GPC5: variants seen among roughly 807,000 people sequenced by gnomAD.
The protein encoded by GPC5 is glypican-5.
Under a neutral mutation model 53.9 loss-of-function variants are expected in GPC5, and 47 were observed. That is an observed-to-expected ratio of 0.87 (90% CI 0.69 to 1.11). The LOEUF is 1.11. GPC5 is among the 50% of genes most tolerant of loss of function. The pLI is 0.00. For synonymous variants in GPC5, 286 were observed against 263.3 expected (o/e 1.09, Z -0.84); for missense variants, 748 against 713.1 (o/e 1.05, Z -0.56).
At chr13:92,637,826 G>A (rs1294062840) in intron 7 of GPC5, among the ~76,000 whole-genome samples, 1 of 152,090 alleles carries the variant, frequency 6.6e-6, no homozygotes, top group Non-Finnish European at 1.5e-5. Context: ...GCTAAAATTA[G>A]TAGATAATGA....
chr13:92,002,763 CTACAGGCTGGTG>C (rs2040567113), intron 6 of GPC5, among the ~76,000 whole-genome samples: 1 of 152,142 alleles, frequency 6.6e-6, no homozygotes, highest in Admixed American at 6.5e-5. Context: ...TCAGACAATA[CTACAGGCTGGTG>C]TATCTTAATT....
At chr13:91,405,149 T>G (rs544072565) in intron 1 of GPC5, among the ~76,000 whole-genome samples, 2 of 152,318 alleles carry the variant, frequency 1.3e-5, no homozygotes, top group East Asian at 3.9e-4. Flanking sequence ...TGTGCCAAAC[T>G]CCTACACAAC....
chr13:91,630,311 T>G (rs1435250915), intron 2 of GPC5, among the ~76,000 whole-genome samples: 1 of 152,108 alleles, frequency 6.6e-6, no homozygotes, highest in Non-Finnish European at 1.5e-5. Flanking sequence ...AGGATGTTAT[T>G]TTGAATATTG....
intron 7 of GPC5, among the ~76,000 whole-genome samples, chr13:92,292,017 G>A (rs2043000313): frequency 6.6e-6 from 1 of 152,206 alleles, no homozygotes; most frequent in African/African-American, 2.4e-5. Flanking sequence ...CATTCTTGAA[G>A]TCAGTGAGAC....
intron 7 of GPC5, among the ~76,000 whole-genome samples, chr13:92,471,397 A>G (rs1440242201): frequency 6.6e-6 from 1 of 152,010 alleles, no homozygotes; most frequent in African/African-American, 2.4e-5. Context: ...TGTGGCCAAT[A>G]CTTTCTGCAC....
intron 6 of GPC5, among the ~76,000 whole-genome samples, chr13:91,920,924 CTCTTTTTTTTTTTTTTTT>C (rs1176664000): frequency 8.4e-5 from 5 of 59,594 alleles, no homozygotes; most frequent in African/African-American, 2.0e-4. Flanking sequence ...CTCTCTCTCT[CTCTTTTTTTTTTTTTTTT>C]TTTTTTTTTT....
chr13:91,822,609 T>C (rs891424726), intron 5 of GPC5, among the ~76,000 whole-genome samples: 20 of 152,236 alleles, frequency 1.3e-4, no homozygotes, highest in African/African-American at 4.3e-4. Flanking sequence ...CTATTCACTA[T>C]CATGAAAACA....
intron 7 of GPC5, among the ~76,000 whole-genome samples, chr13:92,779,200 CT>C (rs1417524581): frequency 1.3e-5 from 2 of 152,032 alleles, no homozygotes; most frequent in African/African-American, 4.8e-5. Flanking sequence ...GGAAACTCCC[CT>C]TTTTAAAACC....
intron 1 of GPC5, among the ~76,000 whole-genome samples, chr13:91,444,484 G>A (rs988901885): frequency 4.6e-5 from 7 of 152,102 alleles, no homozygotes; most frequent in Non-Finnish European, 1.0e-4. Context: ...TGAAGTTAGT[G>A]TTTGTTTTTC....
At chr13:92,710,829 T>C (rs1888109923) in intron 7 of GPC5, among the ~76,000 whole-genome samples, 1 of 152,214 alleles carries the variant, frequency 6.6e-6, no homozygotes, top group African/African-American at 2.4e-5. Flanking sequence ...TTAAATATTC[T>C]TTAAACACCT....
rs1421333716 is a variant in GPC5, at chr13:92,323,625, T to G, written c.1561+178636T>G. On this transcript the variant is annotated intron_variant, in intron 7 of 7. Coordinates refer to ENST00000377067, the MANE Select transcript of GPC5 (RefSeq NM_004466.6). ...AGTGGATCTCTAATCTGTCTAATGG[T>G]AAAACATAAGTTTTGTGTTTAAAAT... 3.9e-5 allele frequency among the ~76,000 whole-genome samples: 6 copies of G among 151,956 alleles called. No individual in the cohort carries two copies. The East Asian group carries it at 1.2e-3, about 29-fold the overall frequency.
At chr13:92,692,007 T>G (rs1887415637) in intron 7 of GPC5, among the ~76,000 whole-genome samples, 1 of 152,162 alleles carries the variant, frequency 6.6e-6, no homozygotes, top group African/African-American at 2.4e-5. Context: ...CAGTTAATTT[T>G]TCAACCCTTG....
intron 7 of GPC5, among the ~76,000 whole-genome samples, chr13:92,802,433 T>C (rs1476928867): frequency 2.0e-5 from 3 of 151,880 alleles, no homozygotes; most frequent in Non-Finnish European, 4.4e-5. Flanking sequence ...TATATATTTA[T>C]TATACTTTAA....
At position 91,934,017 on chromosome 13, in the gene GPC5, C is replaced by A. The variant is rs139971319; in HGVS notation, c.1401+25960C>A. Among the ~76,000 whole-genome samples, 4 of 152,004 alleles carry A rather than the reference C, an allele frequency of 2.6e-5. No homozygotes were observed. In the Admixed American group the frequency reaches 2.6e-4, roughly 10 times the overall value. On this transcript the variant is annotated intron_variant, in intron 6 of 7. Coordinates refer to ENST00000377067, the MANE Select transcript of GPC5 (RefSeq NM_004466.6). ...GGATATGTCCTCTCAAATACCTGAG[C>A]TATGCTTCCCTGGGACCCTCTTTTT...
In GPC5 at chr13:92,812,364, A is replaced by G. The variant is rs552843099; in HGVS notation, c.1562-53918A>G. On this transcript the variant is annotated intron_variant, in intron 7 of 7. Coordinates refer to ENST00000377067, the MANE Select transcript of GPC5 (RefSeq NM_004466.6). ...ATTGTTTTCTTAATTTTCTTTTTGT[A>G]TTGTTCATTGGTAGTATATACAAAT... Among the ~76,000 whole-genome samples, 71 of 151,658 alleles carry G rather than the reference A, an allele frequency of 4.7e-4. 1 individual carries two copies. The highest frequency in any genetic ancestry group is 1.7e-3 in the African/African-American group (70 of 41,284).
chr13:91,831,045 A>T (rs2038651453), intron 5 of GPC5, among the ~76,000 whole-genome samples: 2 of 138,378 alleles, frequency 1.4e-5, no homozygotes, highest in South Asian at 4.3e-4. Flanking sequence ...TATATATATT[A>T]TATATATCCT....
chr13:91,690,926 TTAAG>T (rs1199482378), intron 2 of GPC5, among the ~76,000 whole-genome samples: 1 of 152,216 alleles, frequency 6.6e-6, no homozygotes, highest in African/African-American at 2.4e-5. Flanking sequence ...CTTTAACAAA[TTAAG>T]TAATTTTAAA....
At chr13:91,488,663 C>T (rs780000368) in intron 2 of GPC5, among the ~76,000 whole-genome samples, 1 of 152,160 alleles carries the variant, frequency 6.6e-6, no homozygotes, top group African/African-American at 2.4e-5. Flanking sequence ...CTGTCATCTT[C>T]GTAAGCTGAG....
intron 7 of GPC5, among the ~76,000 whole-genome samples, chr13:92,804,835 T>G (rs1415139471): frequency 6.6e-6 from 1 of 152,118 alleles, no homozygotes; most frequent in African/African-American, 2.4e-5. Context: ...CAACTAAGTT[T>G]ATGTAATATT....
Sources: gnomAD v4.1 joint callset for allele counts (sites outside exome capture counted in the v4.1 genomes callset) on GRCh38, gnomAD v4.1.1 for gene constraint, MANE v1.5 for transcripts, NCBI Gene and HGNC (gene_info 2026-07-23, HGNC 2026-07-21) for gene names.